The following PTGER3 variants were observed in gnomAD, a reference collection of about 807,000 sequenced individuals.
PTGER3 encodes the protein prostaglandin E2 receptor EP3 subtype.
Under a neutral mutation model 34.7 loss-of-function variants are expected in PTGER3, and 22 were observed. That is an observed-to-expected ratio of 0.63 (90% CI 0.45 to 0.91). The LOEUF is 0.91. PTGER3 is among the 40% of genes least tolerant of loss of function. The probability of loss-of-function intolerance (pLI) is 0.00; values close to 1 mark genes in which losing one functional copy is unlikely to be tolerated. For missense variants in PTGER3, 468 were observed against 519.4 expected (o/e 0.90, Z 0.96); for synonymous variants, 241 against 230.1 (o/e 1.05, Z -0.43).
intron 4 of PTGER3, among the ~76,000 whole-genome samples, chr1:70,875,210 G>A (rs565286386): frequency 6.6e-6 from 1 of 152,306 alleles, no homozygotes; most frequent in South Asian, 2.1e-4. Context: ...ACATGGGTTT[G>A]CAATGGCTTT....
chr1:70,875,171 T>A (rs1646247911), intron 4 of PTGER3, among the ~76,000 whole-genome samples: 2 of 152,242 alleles, frequency 1.3e-5, no homozygotes, highest in Admixed American at 1.3e-4. Context: ...TTCTGCCTTC[T>A]ATGTCTCAAT....
chr1:71,028,405 C>T (rs568601035), intron 1 of PTGER3, among the ~76,000 whole-genome samples: 3 of 152,292 alleles, frequency 2.0e-5, no homozygotes, highest in East Asian at 3.9e-4. Flanking sequence ...CGATGCTGAG[C>T]TTTCGGATTA....
intron 2 of PTGER3, among the ~76,000 whole-genome samples, chr1:70,963,305 C>T (rs1652144501): frequency 6.6e-6 from 1 of 152,136 alleles, no homozygotes; most frequent in African/African-American, 2.4e-5. Context: ...ATTCTGGGGT[C>T]TGCAGGATGG....
intron 1 of PTGER3, among the ~76,000 whole-genome samples, chr1:71,036,315 A>T (rs532552060): frequency 6.6e-6 from 1 of 152,298 alleles, no homozygotes; most frequent in South Asian, 2.1e-4. Context: ...ATTTGGCCAC[A>T]TTCACTACAG....
At chr1:71,011,441 G>C in intron 2 of PTGER3, 1 of 985,262 alleles carries the variant, frequency 1.0e-6, no homozygotes, top group Non-Finnish European at 1.2e-6. Context: ...GCTCAAATCG[G>C]TCCTTACATA....
intron 2 of PTGER3, among the ~76,000 whole-genome samples, chr1:70,998,538 C>T (rs1480872756): frequency 6.6e-6 from 1 of 152,146 alleles, no homozygotes; most frequent in Admixed American, 6.5e-5. Context: ...ACAAATCATT[C>T]ATTTAATTGG....
At chr1:70,938,458 AT>A (rs2100532000) in intron 4 of PTGER3, among the ~76,000 whole-genome samples, 1 of 152,240 alleles carries the variant, frequency 6.6e-6, no homozygotes, top group African/African-American at 2.4e-5. Flanking sequence ...AAAAAAAAAC[AT>A]TTTCCATTTT....
downstream of PTGER3, among the ~76,000 whole-genome samples, chr1:70,968,266 T>C (rs1308174799): frequency 1.3e-5 from 2 of 152,236 alleles, no homozygotes; most frequent in African/African-American, 2.4e-5. Context: ...TCAGGACTCA[T>C]GTCCATACAG....
chr1:71,003,285 A>G lies in PTGER3; in HGVS notation c.1077+9020T>C, dbSNP rs1656652162. The stretch of plus-strand genomic sequence containing the variant: ...ACTCTGAATGGCAATGCACAAATTT[A>G]GTGCCTATAGAAGTATAAATAGATA... On this transcript the variant is annotated intron_variant, in intron 2 of 3. Coordinates refer to ENST00000306666, the MANE Select transcript of PTGER3 (RefSeq NM_198719.2). Among the ~76,000 whole-genome samples, 3 of 152,232 alleles carry G rather than the reference A, an allele frequency of 2.0e-5. No homozygotes were observed. In the South Asian group the frequency reaches 6.2e-4, roughly 31 times the overall value.
At chr1:70,914,446 T>C (rs1399009717) in intron 4 of PTGER3, among the ~76,000 whole-genome samples, 2 of 151,956 alleles carry the variant, frequency 1.3e-5, no homozygotes, top group Non-Finnish European at 2.9e-5. Flanking sequence ...TCATCATAAC[T>C]ATTTTCATAA....
intron 4 of PTGER3, among the ~76,000 whole-genome samples, chr1:70,915,262 A>T (rs1340898667): frequency 6.6e-6 from 1 of 151,890 alleles, no homozygotes; most frequent in South Asian, 2.1e-4. Context: ...TAGGCTATGA[A>T]TTCTGAGGAG....
At chr1:71,013,924 G>T (rs1657669596) in intron 1 of PTGER3, among the ~76,000 whole-genome samples, 1 of 152,072 alleles carries the variant, frequency 6.6e-6, no homozygotes, top group Admixed American at 6.6e-5. Context: ...TGGCTCCTAA[G>T]TTTCCCATTC....
intron 4 of PTGER3, among the ~76,000 whole-genome samples, chr1:70,944,499 A>G (rs1650042150): frequency 6.6e-6 from 1 of 152,140 alleles, no homozygotes; most frequent in Non-Finnish European, 1.5e-5. Flanking sequence ...AGGTCCATGC[A>G]TTTCTGAGGT....
chr1:70,911,871 A>G (rs1002215536), intron 4 of PTGER3, among the ~76,000 whole-genome samples: 1 of 152,164 alleles, frequency 6.6e-6, no homozygotes, highest in Non-Finnish European at 1.5e-5. Context: ...CATTGCCTTC[A>G]TCTTTTATTA....
chr1:70,899,703 A>G (rs138932435), intron 4 of PTGER3, among the ~76,000 whole-genome samples: 4 of 152,138 alleles, frequency 2.6e-5, no homozygotes, highest in Admixed American at 6.6e-5. Context: ...TGTGAAGGGT[A>G]AGTTGCAGGG....
At chr1:71,040,161 AGAGAGGAG>A (rs1660189048) in intron 1 of PTGER3, among the ~76,000 whole-genome samples, 1 of 151,534 alleles carries the variant, frequency 6.6e-6, no homozygotes, top group Admixed American at 6.6e-5. Flanking sequence ...GAAAGAAAAG[AGAGAGGAG>A]GAGAGGGAAG....
intron 1 of PTGER3, among the ~76,000 whole-genome samples, chr1:71,043,647 C>A (rs983308490): frequency 6.6e-6 from 1 of 152,106 alleles, no homozygotes; most frequent in Non-Finnish European, 1.5e-5. Context: ...GAAAAAACAG[C>A]GTTAATCTCT....
intron 4 of PTGER3, among the ~76,000 whole-genome samples, chr1:70,853,159 G>A (rs1353978842): frequency 6.6e-6 from 1 of 152,186 alleles, no homozygotes; most frequent in Non-Finnish European, 1.5e-5. Flanking sequence ...AGACATGTGA[G>A]AATGCCCAGT....
intron 1 of PTGER3, among the ~76,000 whole-genome samples, chr1:71,023,729 T>C (rs560415354): frequency 3.9e-5 from 6 of 151,996 alleles, no homozygotes; most frequent in Admixed American, 3.3e-4. Flanking sequence ...TCTCTGTGTG[T>C]CTTTCTCTAC....
Sources: gnomAD v4.1 joint callset for allele counts (sites outside exome capture counted in the v4.1 genomes callset) on GRCh38, gnomAD v4.1.1 for gene constraint, MANE v1.5 for transcripts, NCBI Gene and HGNC (gene_info 2026-07-23, HGNC 2026-07-21) for gene names.